The following CSMD1 variants were observed in gnomAD, a reference collection of about 807,000 sequenced individuals.
CSMD1 encodes the protein CUB and Sushi multiple domains 1, also known as CUB and sushi domain-containing protein 1.
In CSMD1, 213 loss-of-function variants were observed where a neutral mutation model predicts 417.5. The ratio of observed to expected loss-of-function variants is 0.51; its 90% CI spans 0.46 to 0.57. The LOEUF is 0.57. Ranked by LOEUF, CSMD1 falls within the 20% of genes least tolerant of loss-of-function variation. The probability of loss-of-function intolerance (pLI) is 0.00; values close to 1 mark genes in which losing one functional copy is unlikely to be tolerated. For missense variants in CSMD1, 6,923 were observed against 4,529.7 expected, an observed-to-expected ratio of 1.53 and a Z score of -15.17; for synonymous variants, 2,862 against 1,736.8, an observed-to-expected ratio of 1.65 and a Z score of -16.11.
At chr8:3,295,010 T>C (rs1563237541) in intron 25 of CSMD1, among the ~76,000 whole-genome samples, 1 of 152,222 alleles carries the variant, frequency 6.6e-6, no homozygotes, top group Non-Finnish European at 1.5e-5. Flanking sequence ...TGTGTGTGTA[T>C]TTGTATTCCT....
intron 5 of CSMD1, among the ~76,000 whole-genome samples, chr8:3,791,209 C>G (rs1434091117): frequency 2.6e-5 from 4 of 152,190 alleles, no homozygotes; most frequent in Non-Finnish European, 1.5e-5. Flanking sequence ...CTACCCCAAA[C>G]ATAAACTTCC....
chr8:3,579,192 A>T (rs934748800), intron 9 of CSMD1, among the ~76,000 whole-genome samples: 3 of 152,230 alleles, frequency 2.0e-5, no homozygotes, highest in Non-Finnish European at 4.4e-5. Context: ...AATTGAAAAT[A>T]TAAAACGTCA....
At chr8:3,573,816 C>CTATAAA (rs1342989060) in intron 10 of CSMD1, among the ~76,000 whole-genome samples, 1 of 144,626 alleles carries the variant, frequency 6.9e-6, no homozygotes, top group Non-Finnish European at 1.5e-5. Flanking sequence ...TTTAATATTA[C>CTATAAA]TATAAATATA....
intron 25 of CSMD1, chr8:3,284,706 T>C: frequency 4.2e-6 from 1 of 236,650 alleles, no homozygotes; most frequent in South Asian, 5.8e-5. Context: ...GACAGATGTG[T>C]TTGAAGCAGA....
Position 4,994,529 on chromosome 8 carries a change from G to T in CSMD1, c.-113C>A, listed in dbSNP as rs531794193. ...CAAGGCGAGCCGGAGAGAGAGCCCGGTCCCAAGACCCGCCGCGCATCCGAC... is the reference window on the plus strand; with the variant it reads ...CAAGGCGAGCCGGAGAGAGAGCCCGTTCCCAAGACCCGCCGCGCATCCGAC... On this transcript the variant is annotated 5_prime_UTR_variant, in exon 1 of 70. Transcript: ENST00000635120. 7.3e-6 allele frequency: 7 copies of T among 959,854 alleles called. No individual in the cohort carries two copies. The highest frequency in any genetic ancestry group is 2.3e-4 in the Middle Eastern group (1 of 4,420). The allele number at this position is 959,854 out of a possible 1,614,324, so 59.5% of individuals were successfully genotyped here.
chr8:3,583,437 C>G (rs569279631), intron 9 of CSMD1, among the ~76,000 whole-genome samples: 4 of 151,764 alleles, frequency 2.6e-5, no homozygotes, highest in Non-Finnish European at 5.9e-5. Flanking sequence ...TTGGAAAGAG[C>G]TAGAGATATT....
At chr8:4,445,152 G>A (rs916418346) in intron 2 of CSMD1, among the ~76,000 whole-genome samples, 1 of 152,200 alleles carries the variant, frequency 6.6e-6, no homozygotes, top group Non-Finnish European at 1.5e-5. Context: ...AAGATTGGGT[G>A]ATGGCACTAG....
chr8:3,385,482 A>T (rs1486927219), intron 18 of CSMD1, among the ~76,000 whole-genome samples: 1 of 151,896 alleles, frequency 6.6e-6, no homozygotes, highest in Non-Finnish European at 1.5e-5. Flanking sequence ...TCTCTTTATA[A>T]TATTTCTAAT....
intron 1 of CSMD1, among the ~76,000 whole-genome samples, chr8:4,755,475 T>A (rs1811607922): frequency 6.6e-6 from 1 of 152,216 alleles, no homozygotes; most frequent in Non-Finnish European, 1.5e-5. Context: ...TTTCTATGAT[T>A]GACATTTATT....
At chr8:4,173,500 C>A (rs1185946970) in intron 3 of CSMD1, among the ~76,000 whole-genome samples, 1 of 151,938 alleles carries the variant, frequency 6.6e-6, no homozygotes, top group Non-Finnish European at 1.5e-5. Flanking sequence ...GCTAAGTGCT[C>A]TCGGTAGATG....
intron 5 of CSMD1, among the ~76,000 whole-genome samples, chr8:3,977,956 C>T (rs1156320895): frequency 2.0e-5 from 3 of 152,168 alleles, no homozygotes; most frequent in African/African-American, 7.2e-5. Flanking sequence ...TGCACGGCTG[C>T]CTTTTACGTG....
intron 5 of CSMD1, among the ~76,000 whole-genome samples, chr8:3,834,569 G>T (rs1218231559): frequency 6.6e-6 from 1 of 152,136 alleles, no homozygotes. Flanking sequence ...ATGTATCCTG[G>T]CTGTATTACA....
chr8:3,954,778 G>A (rs913795475), intron 5 of CSMD1, among the ~76,000 whole-genome samples: 3 of 151,684 alleles, frequency 2.0e-5, no homozygotes, highest in South Asian at 2.1e-4. Context: ...AATGTGGCAG[G>A]GAGTTACATG....
chr8:3,692,687 C>T (rs1400764947), intron 7 of CSMD1, among the ~76,000 whole-genome samples: 1 of 152,128 alleles, frequency 6.6e-6, no homozygotes, highest in Non-Finnish European at 1.5e-5. Flanking sequence ...CCTGCCTCGG[C>T]CTCCAGAAGT....
chr8:3,577,794 C>T (rs548272491), intron 9 of CSMD1, among the ~76,000 whole-genome samples: 94 of 152,162 alleles, frequency 6.2e-4, no homozygotes, highest in Admixed American at 1.6e-3. Context: ...TGATGATGCG[C>T]CCCCTATTTG....
chr8:3,708,684 G>C (rs1458073044), intron 6 of CSMD1, among the ~76,000 whole-genome samples, 193 bp from the exon 7 acceptor site: 1 of 152,156 alleles, frequency 6.6e-6, no homozygotes, highest in Non-Finnish European at 1.5e-5. Flanking sequence ...CTATCAAGCA[G>C]CAAGATCACA....
chr8:3,086,658 C>A (rs1814554168), intron 49 of CSMD1, among the ~76,000 whole-genome samples: 1 of 152,242 alleles, frequency 6.6e-6, no homozygotes, highest in East Asian at 1.9e-4. Flanking sequence ...CTGAAATCAA[C>A]TTTAACAAGC....
chr8:4,464,328 G>C (rs549812350), intron 2 of CSMD1, among the ~76,000 whole-genome samples: 42 of 152,232 alleles, frequency 2.8e-4, no homozygotes, highest in African/African-American at 1.0e-3. Context: ...CTTACAGTGC[G>C]GTTATGTTCT....
chr8:2,943,146 A>G (rs1802003078), intron 68 of CSMD1, among the ~76,000 whole-genome samples: 1 of 152,244 alleles, frequency 6.6e-6, no homozygotes, highest in African/African-American at 2.4e-5. Context: ...AAAAATAATT[A>G]TAGTTCAATG....
Sources: gnomAD v4.1 joint callset for allele counts (sites outside exome capture counted in the v4.1 genomes callset) on GRCh38, gnomAD v4.1.1 for gene constraint, MANE v1.5 for transcripts, NCBI Gene and HGNC (gene_info 2026-07-23, HGNC 2026-07-21) for gene names.